COG6: variants seen among roughly 807,000 people sequenced by gnomAD.
The protein encoded by COG6 is component of oligomeric golgi complex 6, also known as conserved oligomeric Golgi complex subunit 6.
Under a neutral mutation model 88.8 loss-of-function variants are expected in COG6, and 74 were observed. The observed-to-expected ratio is 0.83, with a 90% CI of 0.69 to 1.01. The LOEUF (loss-of-function observed/expected upper bound fraction) is 1.01, where lower values mean the gene tolerates loss of function less well. COG6 is among the 50% of genes least tolerant of loss of function. The pLI is 0.00. For synonymous variants in COG6, 286 were observed against 278.7 expected (o/e 1.03, Z -0.26); for missense variants, 800 against 797.9 (o/e 1.00, Z -0.03).
intron 17 of COG6, among the ~76,000 whole-genome samples, chr13:39,726,027 G>T (rs976613577): frequency 6.6e-6 from 1 of 151,712 alleles, no homozygotes; most frequent in Non-Finnish European, 1.5e-5. Context: ...CATGTTCCTG[G>T]TGTTAATTTT....
chr13:39,788,805 A>G (rs1881852913), exon 19 of COG6: 1 of 155,428 alleles, frequency 6.4e-6, no homozygotes, highest in Non-Finnish European at 1.4e-5. Flanking sequence ...TCCATTATTA[A>G]CTTTTTTCTC....
At chr13:39,745,780 A>G (rs970586637) in intron 18 of COG6, among the ~76,000 whole-genome samples, 5 of 152,224 alleles carry the variant, frequency 3.3e-5, no homozygotes, top group South Asian at 2.1e-4. Flanking sequence ...AGACACATGC[A>G]CACGTATGTT....
chr13:39,661,913 GT>G (rs1271963114), intron 3 of COG6, among the ~76,000 whole-genome samples: 1 of 151,164 alleles, frequency 6.6e-6, no homozygotes, highest in Non-Finnish European at 1.5e-5. Flanking sequence ...GTACTTTTGT[GT>G]TTTTTAAATA....
At chr13:39,777,764 A>G (rs992319622) in intron 18 of COG6, among the ~76,000 whole-genome samples, 15 of 152,314 alleles carry the variant, frequency 9.8e-5, no homozygotes, top group African/African-American at 2.6e-4. Flanking sequence ...CTCTCTGAGT[A>G]GTTATTTCCA....
At chr13:39,782,065 C>T (rs1224385514) in intron 18 of COG6, among the ~76,000 whole-genome samples, 1 of 152,140 alleles carries the variant, frequency 6.6e-6, no homozygotes, top group Non-Finnish European at 1.5e-5. Context: ...AAAATATCTA[C>T]AGACTTTGTG....
At chr13:39,713,593 G>A (rs367986693) in intron 13 of COG6, among the ~76,000 whole-genome samples, 33 of 151,982 alleles carry the variant, frequency 2.2e-4, no homozygotes, top group African/African-American at 6.8e-4. Flanking sequence ...AAAATTAGCC[G>A]GGCATGGTGG....
At chr13:39,668,521 G>C (rs1258344204) in intron 4 of COG6, among the ~76,000 whole-genome samples, 2 of 152,170 alleles carry the variant, frequency 1.3e-5, no homozygotes, top group Non-Finnish European at 2.9e-5. Context: ...GGGCGCCGTA[G>C]CTCACACCTG....
At chr13:39,680,596 G>C (rs1190905499) in intron 7 of COG6, among the ~76,000 whole-genome samples, 1 of 152,164 alleles carries the variant, frequency 6.6e-6, no homozygotes, top group African/African-American at 2.4e-5. Context: ...TAGGCTTTAA[G>C]GGATAATGTT....
At chr13:39,726,547 G>A (rs900877226) in intron 17 of COG6, among the ~76,000 whole-genome samples, 2 of 151,788 alleles carry the variant, frequency 1.3e-5, no homozygotes, top group Non-Finnish European at 2.9e-5. Context: ...TGCTGCAGTA[G>A]GTACCTAAGG....
intron 8 of COG6, among the ~76,000 whole-genome samples, chr13:39,684,032 A>T (rs1167437685): frequency 6.6e-6 from 1 of 152,102 alleles, no homozygotes; most frequent in Non-Finnish European, 1.5e-5. Flanking sequence ...ACTTAGTGTA[A>T]TGCTTGGTAC....
intron 18 of COG6, among the ~76,000 whole-genome samples, chr13:39,758,303 G>A (rs1352255040): frequency 6.6e-6 from 1 of 151,840 alleles, no homozygotes; most frequent in Non-Finnish European, 1.5e-5. Context: ...AAGATTGCTG[G>A]AGGCCAGGAA....
At chr13:39,741,483 T>G (rs1051196584) in intron 18 of COG6, among the ~76,000 whole-genome samples, 3 of 152,164 alleles carry the variant, frequency 2.0e-5, no homozygotes, top group African/African-American at 7.2e-5. Flanking sequence ...ATAGTCGATT[T>G]GATCAAGTGG....
chr13:39,708,936 A>C (rs539272138), intron 13 of COG6, among the ~76,000 whole-genome samples: 44 of 152,116 alleles, frequency 2.9e-4, no homozygotes, highest in Non-Finnish European at 5.1e-4. Flanking sequence ...TCTTAAATTA[A>C]AGATTCAGTC....
intron 12 of COG6, among the ~76,000 whole-genome samples, chr13:39,698,315 T>C (rs1877388980): frequency 6.6e-6 from 1 of 152,058 alleles, no homozygotes; most frequent in African/African-American, 2.4e-5. Flanking sequence ...TTGTTTTCAT[T>C]GCATGTGCAG....
chr13:39,724,451 A>G (rs1879018582), intron 16 of COG6, 57 bp from the exon 17 acceptor site: 8 of 1,323,430 alleles, frequency 6.0e-6, no homozygotes, highest in Middle Eastern at 2.6e-4. Context: ...GTGAAATGAA[A>G]TGTATATCTC....
intron 13 of COG6, among the ~76,000 whole-genome samples, chr13:39,701,809 GCCT>G (rs1466216095): frequency 6.6e-6 from 1 of 151,748 alleles, no homozygotes; most frequent in Non-Finnish European, 1.5e-5. Flanking sequence ...AAACATATGG[GCCT>G]CAAGACTGAA....
chr13:39,756,970 T>C (rs1470205002), downstream of COG6, among the ~76,000 whole-genome samples: 2 of 152,134 alleles, frequency 1.3e-5, no homozygotes, highest in Admixed American at 1.3e-4. Flanking sequence ...ACTCAGTAGC[T>C]ATTCTAAATC....
chr13:39,696,240 TGTC>T (rs1236566547), intron 12 of COG6, among the ~76,000 whole-genome samples: 1 of 151,948 alleles, frequency 6.6e-6, no homozygotes, highest in African/African-American at 2.4e-5. Context: ...ACTGTATACT[TGTC>T]ATTCTTCTAG....
chr13:39,790,305 A>G (rs1279629280), exon 19 of COG6: 1 of 152,224 alleles, frequency 6.6e-6, no homozygotes, highest in African/African-American at 2.4e-5. Flanking sequence ...TGATAACAAA[A>G]TGCAAGGTAA....
Sources: gnomAD v4.1 joint callset for allele counts (sites outside exome capture counted in the v4.1 genomes callset) on GRCh38, gnomAD v4.1.1 for gene constraint, MANE v1.5 for transcripts, NCBI Gene and HGNC (gene_info 2026-07-23, HGNC 2026-07-21) for gene names.